SDK2: variants seen among roughly 807,000 people sequenced by gnomAD.
SDK2 encodes sidekick cell adhesion molecule 2, also known as protein sidekick-2.
A neutral mutation model predicts 253.9 loss-of-function variants in SDK2; 105 were observed. The observed-to-expected ratio is 0.41, with a 90% confidence interval of 0.35 to 0.49. SDK2 has a LOEUF of 0.49. SDK2 is among the 20% of genes least tolerant of loss of function. SDK2 has a pLI of 0.06. For missense variants in SDK2, 2,608 were observed against 3,003.0 expected (o/e 0.87, Z 3.07); for synonymous variants, 1,249 against 1,234.9 (o/e 1.01, Z -0.24).
At chr17:73,494,152 G>A (rs930508637) in intron 2 of SDK2, among the ~76,000 whole-genome samples, 1 of 152,184 alleles carries the variant, frequency 6.6e-6, no homozygotes, top group South Asian at 2.1e-4. Flanking sequence ...CTCTGATCAC[G>A]CCAGGATGCT....
rs140944200 is a variant in SDK2 at position 73,460,681 on chromosome 17, A to G, written c.332-4628T>C. Among the ~76,000 whole-genome samples, 1,062 of 152,314 alleles carry G rather than the reference A, an allele frequency of 7.0e-3. 13 individuals carry two copies. The highest frequency in any genetic ancestry group is 0.024 in the African/African-American group (999 of 41,564). On this transcript the variant is annotated intron_variant, in intron 3 of 44. Transcript: ENST00000392650. ...GAGCAGTTGAGCACTTACCCTGCCA[A>G]GAACTTCTTTCTAGGTAGATTTCCC...
At chr17:73,363,165 C>G (rs1026239290) in intron 38 of SDK2, among the ~76,000 whole-genome samples, 5 of 152,182 alleles carry the variant, frequency 3.3e-5, no homozygotes, top group Non-Finnish European at 7.3e-5. Context: ...CTCACTGAAA[C>G]CTCCGCCTCC....
In SDK2 at chr17:73,468,814, C is replaced by G. The variant is rs185831548; in HGVS notation, c.331+3298G>C. ...TGCTGGGATTACAGGCTTGAGCCAC[C>G]GCACCCAGCCTTATTTTTATTTTTT... On this transcript the variant is annotated intron_variant, in intron 3 of 44. Coordinates refer to ENST00000392650, the MANE Select transcript of SDK2 (RefSeq NM_001144952.2). 9.5e-5 allele frequency among the ~76,000 whole-genome samples: 14 copies of G among 147,206 alleles called. No individual in the cohort carries two copies. In the East Asian group the frequency reaches 2.9e-3, roughly 30 times the overall value.
Position 73,344,740 on chromosome 17 carries a change from A to G in SDK2, c.6165+3859T>C, listed in dbSNP as rs558611286. Among the ~76,000 whole-genome samples, 13 of 152,348 alleles carry G rather than the reference A, an allele frequency of 8.5e-5. No individual in the cohort carries two copies. The East Asian group carries it at 1.3e-3, about 16-fold the overall frequency. Reference sequence around the variant, plus strand: ...GATCTGGGGGATGGTCAGGCTATCAACGAGGTCTCAGCTGAGCCTGTTGGA... The same window carrying G: ...GATCTGGGGGATGGTCAGGCTATCAGCGAGGTCTCAGCTGAGCCTGTTGGA... On this transcript the variant is annotated intron_variant, in intron 44 of 44. Coordinates refer to ENST00000392650, the MANE Select transcript of SDK2 (RefSeq NM_001144952.2).
intron 2 of SDK2, among the ~76,000 whole-genome samples, chr17:73,477,553 C>A (rs2063694653): frequency 1.3e-5 from 2 of 152,190 alleles, no homozygotes; most frequent in African/African-American, 4.8e-5. Flanking sequence ...TAATGATGGC[C>A]ATCTTTGATG....
In SDK2 at chr17:73,624,305, G is replaced by GAAAC. The variant is rs2046173730; in HGVS notation, c.64+19716_64+19719dup. ...ACTCAGGAGTTCGAGACCAGCCTGG[G>GAAAC]AAACATGGCAAAACCCTGTCTCTAC... On this transcript the variant is annotated intron_variant, in intron 1 of 44. Transcript: ENST00000392650. 2.0e-5 allele frequency among the ~76,000 whole-genome samples: 3 copies of GAAAC among 152,162 alleles called. No individual in the cohort carries two copies. In the South Asian group the frequency reaches 6.2e-4, roughly 32 times the overall value.
chr17:73,446,582 A>T (rs999109682), intron 5 of SDK2, among the ~76,000 whole-genome samples: 1 of 152,196 alleles, frequency 6.6e-6, no homozygotes, highest in Non-Finnish European at 1.5e-5. Context: ...CATGGACAGC[A>T]GAGGCTAGGA....
intron 24 of SDK2, among the ~76,000 whole-genome samples, chr17:73,396,883 G>T (rs866411500): frequency 4.9e-4 from 74 of 152,202 alleles, no homozygotes; most frequent in Non-Finnish European, 8.8e-5. Flanking sequence ...GAGGTGGGCC[G>T]AGACAGCTCT....
intron 16 of SDK2, among the ~76,000 whole-genome samples, chr17:73,418,591 C>T (rs1385395298): frequency 6.6e-6 from 1 of 152,182 alleles, no homozygotes; most frequent in South Asian, 2.1e-4. Flanking sequence ...TCTAGAATAT[C>T]AATGAGAGTT....
chr17:73,550,287 C>T (rs769457882), intron 1 of SDK2, among the ~76,000 whole-genome samples: 3 of 152,124 alleles, frequency 2.0e-5, no homozygotes, highest in African/African-American at 4.8e-5. Flanking sequence ...CGACTCTGCT[C>T]TAGGGTTAAC....
intron 1 of SDK2, among the ~76,000 whole-genome samples, chr17:73,597,708 C>G (rs566716173): frequency 6.6e-6 from 1 of 151,226 alleles, no homozygotes; most frequent in South Asian, 2.1e-4. Context: ...TGCAGTGGCA[C>G]GATCTCAGCT....
intron 1 of SDK2, among the ~76,000 whole-genome samples, chr17:73,508,599 T>G (rs1291450446): frequency 6.6e-6 from 1 of 152,244 alleles, no homozygotes; most frequent in Non-Finnish European, 1.5e-5. Context: ...CGGGCTGTTC[T>G]AGGGGCTCTA....
intron 1 of SDK2, among the ~76,000 whole-genome samples, chr17:73,595,481 C>T (rs574747081): frequency 6.6e-6 from 1 of 152,300 alleles, no homozygotes; most frequent in African/African-American, 2.4e-5. Flanking sequence ...CCCACACAGC[C>T]ATGAGTCTGG....
intron 1 of SDK2, among the ~76,000 whole-genome samples, chr17:73,557,602 C>A (rs2045164135): frequency 6.6e-6 from 1 of 152,158 alleles, no homozygotes; most frequent in Non-Finnish European, 1.5e-5. Context: ...TGTGCCCAGC[C>A]AGATAAAATA....
intron 2 of SDK2, among the ~76,000 whole-genome samples, chr17:73,499,224 A>C (rs1403211931): frequency 6.6e-6 from 1 of 152,176 alleles, no homozygotes; most frequent in Non-Finnish European, 1.5e-5. Context: ...TTATCTGAGG[A>C]GTTTCAAAGG....
At chr17:73,474,285 C>A (rs1364422780) in intron 2 of SDK2, among the ~76,000 whole-genome samples, 1 of 152,230 alleles carries the variant, frequency 6.6e-6, no homozygotes, top group African/African-American at 2.4e-5. Context: ...AATCTCCACA[C>A]TAACCCTACT....
rs2063588411 is a variant in SDK2, at chr17:73,465,132, G to A, written c.331+6980C>T. The stretch of plus-strand genomic sequence containing the variant: ...CCTGCATTCAATACCCACACCTCAG[G>A]CTGAAAATGAAGAGAAACAGGCCTA... On this transcript the variant is annotated intron_variant, in intron 3 of 44. Coordinates refer to ENST00000392650, the MANE Select transcript of SDK2 (RefSeq NM_001144952.2). This position sits in a 1 kb window ranked among gnomAD's most constrained non-coding sequence, Gnocchi z 4.2. Among the ~76,000 whole-genome samples, 1 of 152,150 alleles carries A rather than the reference G, an allele frequency of 6.6e-6. No individual in the cohort carries two copies.
rs61139312 is a variant in SDK2 at position 73,374,517 on chromosome 17, G to A, written c.4980+4660C>T. On this transcript the variant is annotated intron_variant, in intron 36 of 44. Transcript: ENST00000392650. ...GGGTCTCGCTCTGTTGCCCAGGCTG[G>A]AGTACAGTGGCGTGATCTTGGTGCA... Among the ~76,000 whole-genome samples the A allele has an allele frequency of 1.8e-3, 255 of 142,914 alleles. 40 individuals are homozygous for A. Among genetic ancestry groups the A allele is most frequent in the African/African-American group, 6.8e-3 (240 of 35,334 alleles). The allele number at this position is 142,914 out of a possible 152,430, so 93.8% of individuals were successfully genotyped here.
At chr17:73,587,526 G>A (rs58730585) in intron 1 of SDK2, among the ~76,000 whole-genome samples, 4,356 of 152,294 alleles carry the variant, frequency 0.029, 163 homozygotes, top group African/African-American at 0.09. Flanking sequence ...ATCTCTGCAC[G>A]TTATCTGTGT....
Sources: gnomAD v4.1 joint callset for allele counts (sites outside exome capture counted in the v4.1 genomes callset) on GRCh38, gnomAD v4.1.1 for gene constraint, Gnocchi (gnomAD v3.1) non-coding constraint, MANE v1.5 for transcripts, NCBI Gene and HGNC (gene_info 2026-07-23, HGNC 2026-07-21) for gene names.